The following PARD3B variants were observed in gnomAD, a reference collection of about 807,000 sequenced individuals.
The protein encoded by PARD3B is par-3 family cell polarity regulator beta, also known as partitioning defective 3 homolog B.
Under a neutral mutation model 130.2 loss-of-function variants are expected in PARD3B, and 103 were observed. That is an observed-to-expected ratio of 0.79 (90% CI 0.67 to 0.93). The LOEUF is 0.93. Ranked by LOEUF, PARD3B falls within the 40% of genes least tolerant of loss-of-function variation. The pLI, the probability that PARD3B is intolerant of heterozygous loss-of-function variation, is 0.00. For missense variants in PARD3B, 1,609 were observed against 1,499.2 expected (o/e 1.07, Z -1.21); for synonymous variants, 583 against 553.2 (o/e 1.05, Z -0.76).
chr2:205,468,276 T>C (rs987561011), intron 20 of PARD3B, among the ~76,000 whole-genome samples: 8 of 152,218 alleles, frequency 5.3e-5, no homozygotes, highest in African/African-American at 1.9e-4. Flanking sequence ...GCGATTCTCA[T>C]TTAGCTACAA....
At chr2:204,622,180 A>G (rs781216963) in intron 1 of PARD3B, among the ~76,000 whole-genome samples, 34 of 152,192 alleles carry the variant, frequency 2.2e-4, no homozygotes, top group Non-Finnish European at 3.7e-4. Context: ...CATGCCTCTC[A>G]TTGTGCTGTC....
chr2:205,461,024 TC>T lies in PARD3B; in HGVS notation c.3044+20353del, dbSNP rs1455493287. ...CCATAACATTCATTAAATTAATGAA[TC>T]TCCATTCAACAGATATTTATTGAGT... On this transcript the variant is annotated intron_variant, in intron 20 of 22. Coordinates refer to ENST00000406610, the MANE Select transcript of PARD3B (RefSeq NM_001302769.2). The surrounding 1 kb of genome is among the most constrained non-coding windows in gnomAD (Gnocchi z 4.3). 6.6e-6 allele frequency among the ~76,000 whole-genome samples: 1 copy of T among 152,150 alleles called. No homozygotes were observed. The highest frequency in any genetic ancestry group is 1.5e-5 in the Non-Finnish European group (1 of 68,012).
At chr2:204,814,156 T>C (rs2043060766) in intron 2 of PARD3B, among the ~76,000 whole-genome samples, 1 of 152,028 alleles carries the variant, frequency 6.6e-6, no homozygotes, top group Non-Finnish European at 1.5e-5. Context: ...CTCATGTTTT[T>C]AGTGTATAGA....
At chr2:204,792,353 G>A (rs2042229662) in intron 2 of PARD3B, among the ~76,000 whole-genome samples, 1 of 151,964 alleles carries the variant, frequency 6.6e-6, no homozygotes, top group South Asian at 2.1e-4. Flanking sequence ...CACTGTTTTT[G>A]CTTGTTAAAG....
intron 3 of PARD3B, among the ~76,000 whole-genome samples, chr2:205,012,710 C>T (rs1695815424): frequency 6.6e-6 from 1 of 152,202 alleles, no homozygotes; most frequent in Non-Finnish European, 1.5e-5. Context: ...GCACATATAA[C>T]TTAACTATTT....
chr2:204,947,545 C>CCCCTCCCCT (rs59817382), intron 2 of PARD3B, among the ~76,000 whole-genome samples: 1 of 126,630 alleles, frequency 7.9e-6, no homozygotes, highest in Non-Finnish European at 1.6e-5. Flanking sequence ...TCCCTTCCCT[C>CCCCTCCCCT]CCCTCCCCTC....
chr2:205,226,250 C>T (rs1385442850), intron 15 of PARD3B, among the ~76,000 whole-genome samples: 1 of 152,172 alleles, frequency 6.6e-6, no homozygotes. Flanking sequence ...ATCGTGTTAG[C>T]CAGGATGGTC....
intron 10 of PARD3B, among the ~76,000 whole-genome samples, chr2:205,157,761 A>G (rs140386604): frequency 6.6e-6 from 1 of 152,088 alleles, no homozygotes; most frequent in Non-Finnish European, 1.5e-5. Context: ...TCATTGTCAG[A>G]TTTTTCAGTT....
intron 2 of PARD3B, among the ~76,000 whole-genome samples, chr2:204,838,485 G>A (rs375107869): frequency 6.6e-6 from 1 of 151,928 alleles, no homozygotes; most frequent in African/African-American, 2.4e-5. Context: ...AAACTGTTGG[G>A]ATTACAGACA....
chr2:205,354,610 G>A (rs1258974046), intron 18 of PARD3B, among the ~76,000 whole-genome samples: 2 of 152,050 alleles, frequency 1.3e-5, no homozygotes, highest in Non-Finnish European at 2.9e-5. Context: ...GTGCCACCAT[G>A]AGCAGCCAAA....
chr2:205,283,467 T>G (rs2041269204), intron 16 of PARD3B, among the ~76,000 whole-genome samples: 1 of 152,218 alleles, frequency 6.6e-6, no homozygotes. Flanking sequence ...TTTTATTATT[T>G]TGTATAGACA....
intron 19 of PARD3B, among the ~76,000 whole-genome samples, chr2:205,412,235 T>C (rs1158049913): frequency 6.6e-6 from 1 of 152,154 alleles, no homozygotes; most frequent in Admixed American, 6.6e-5. Context: ...CACAAACTCC[T>C]GCCTTTTTCT....
intron 1 of PARD3B, among the ~76,000 whole-genome samples, chr2:204,553,633 T>C (rs1398081915): frequency 7.7e-6 from 1 of 130,214 alleles, no homozygotes; most frequent in East Asian, 2.1e-4. Context: ...TATATATGGA[T>C]ATATATTTAT....
In PARD3B at chr2:205,590,965, A is replaced by C. The variant is rs952987526; in HGVS notation, c.3261-24491A>C. The stretch of plus-strand genomic sequence containing the variant: ...AAAGGAAAAAGACAAGAGAGACAAG[A>C]ATTATGTCTGTTTTGAGACCAGGAT... On this transcript the variant is annotated intron_variant, in intron 22 of 22. Coordinates refer to ENST00000406610, the MANE Select transcript of PARD3B (RefSeq NM_001302769.2). This position sits in a 1 kb window ranked among gnomAD's most constrained non-coding sequence, Gnocchi z 4.1. 2.6e-5 allele frequency among the ~76,000 whole-genome samples: 4 copies of C among 152,112 alleles called. No individual in the cohort carries two copies. Among genetic ancestry groups the C allele is most frequent in the African/African-American group, 9.7e-5 (4 of 41,430 alleles).
At chr2:205,089,323 A>C (rs988561474) in intron 4 of PARD3B, among the ~76,000 whole-genome samples, 5 of 151,740 alleles carry the variant, frequency 3.3e-5, no homozygotes, top group Admixed American at 1.3e-4. Flanking sequence ...GGCACCTGCC[A>C]TCATGCCAGG....
At chr2:205,186,605 A>C (rs1329767927) in intron 14 of PARD3B, among the ~76,000 whole-genome samples, 2 of 152,142 alleles carry the variant, frequency 1.3e-5, no homozygotes, top group African/African-American at 4.8e-5. Flanking sequence ...TGCTAGTGTC[A>C]TTCCTATTAT....
intron 10 of PARD3B, among the ~76,000 whole-genome samples, chr2:205,141,826 G>A (rs572464117): frequency 6.6e-6 from 1 of 152,186 alleles, no homozygotes; most frequent in Non-Finnish European, 1.5e-5. Flanking sequence ...CTATAAGATG[G>A]TATTATAAAG....
intron 3 of PARD3B, among the ~76,000 whole-genome samples, chr2:205,020,857 CAA>C (rs1243926226): frequency 1.3e-5 from 2 of 152,020 alleles, no homozygotes; most frequent in Non-Finnish European, 2.9e-5. Flanking sequence ...CAGAGACAGG[CAA>C]AGTCAAGCAA....
At chr2:204,974,642 T>C (rs1430914177) in intron 3 of PARD3B, among the ~76,000 whole-genome samples, 1 of 152,224 alleles carries the variant, frequency 6.6e-6, no homozygotes, top group Non-Finnish European at 1.5e-5. Context: ...GAGGAAAACT[T>C]CTTGTTTTAG....
Sources: allele counts gnomAD v4.1 joint callset (sites outside exome capture counted in the v4.1 genomes callset), GRCh38; gene constraint gnomAD v4.1.1; non-coding constraint Gnocchi (gnomAD v3.1); transcripts MANE v1.5; gene names NCBI Gene and HGNC (gene_info 2026-07-23, HGNC 2026-07-21).